The following FNIP2 variants were observed in gnomAD, a reference collection of about 807,000 sequenced individuals.
FNIP2 encodes folliculin interacting protein 2.
A neutral mutation model predicts 108.7 loss-of-function variants in FNIP2; 32 were observed. That is an observed-to-expected ratio of 0.29 (90% CI 0.22 to 0.40). FNIP2 has a LOEUF of 0.40. Among genes scored for constraint, FNIP2 ranks in the 10% least tolerant of loss-of-function variants. The pLI is 1.00. For missense variants in FNIP2, 1,202 were observed against 1,381.6 expected (o/e 0.87, Z 2.06); for synonymous variants, 480 against 496.7 (o/e 0.97, Z 0.45).
chr4:158,863,525 C>T (rs201132165), intron 12 of FNIP2, among the ~76,000 whole-genome samples: 1 of 152,170 alleles, frequency 6.6e-6, no homozygotes, highest in East Asian at 1.9e-4. Context: ...GCCACTTTCA[C>T]GGGTTTGCTG....
At chr4:158,903,115 G>A (rs1271697018) in intron 16 of FNIP2, among the ~76,000 whole-genome samples, 1 of 152,186 alleles carries the variant, frequency 6.6e-6, no homozygotes, top group South Asian at 2.1e-4. Flanking sequence ...CCCTGATTGT[G>A]TACACACCAA....
At chr4:158,877,915 G>A (rs1173691916) in intron 14 of FNIP2, among the ~76,000 whole-genome samples, 1 of 152,050 alleles carries the variant, frequency 6.6e-6, no homozygotes, top group Non-Finnish European at 1.5e-5. Flanking sequence ...ACTCCAGCCT[G>A]GGTGAAAGAG....
intron 1 of FNIP2, among the ~76,000 whole-genome samples, chr4:158,774,851 T>G (rs1775809215): frequency 6.6e-6 from 1 of 152,224 alleles, no homozygotes. Context: ...GATTAGATGT[T>G]TTAAAAGCTA....
intron 7 of FNIP2, among the ~76,000 whole-genome samples, chr4:158,847,468 GACA>G (rs543399720): frequency 2.2e-4 from 34 of 152,152 alleles, no homozygotes; most frequent in Non-Finnish European, 4.1e-4. Context: ...CTAGCTCCCA[GACA>G]ACATTTTCAG....
intron 14 of FNIP2, among the ~76,000 whole-genome samples, chr4:158,883,522 T>C (rs750583620): frequency 6.6e-6 from 1 of 152,214 alleles, no homozygotes; most frequent in Non-Finnish European, 1.5e-5. Context: ...ATTACAGGCG[T>C]GAGCCATCGC....
Position 158,886,310 on chromosome 4 carries a change from T to C in FNIP2, c.2950-5136T>C, listed in dbSNP as rs1008123072. Among the ~76,000 whole-genome samples, 4 of 152,226 alleles carry C rather than the reference T, an allele frequency of 2.6e-5. 1 individual carries two copies. Among genetic ancestry groups the C allele is most frequent in the Admixed American group, 2.6e-4 (4 of 15,288 alleles). On this transcript the variant is annotated intron_variant, in intron 14 of 16. Transcript: ENST00000264433. ...AATGGCATATGGCCTCTACCTCCTT[T>C]CTTTCTGGAGACTGGCTGTCCACCT...
intron 1 of FNIP2, among the ~76,000 whole-genome samples, chr4:158,798,968 A>C (rs1307461169): frequency 6.6e-6 from 1 of 152,240 alleles, no homozygotes; most frequent in East Asian, 1.9e-4. Flanking sequence ...AAATGTTGTA[A>C]ATGTAAGAGA....
At chr4:158,839,548 T>G (rs914318104) in intron 7 of FNIP2, among the ~76,000 whole-genome samples, 1 of 151,870 alleles carries the variant, frequency 6.6e-6, no homozygotes, top group African/African-American at 2.4e-5. Flanking sequence ...TTTTCTTTTA[T>G]GTAGAAACAA....
chr4:158,871,762 C>A, intron 14 of FNIP2: 2 of 984,176 alleles, frequency 2.0e-6, no homozygotes, highest in Non-Finnish European at 2.4e-6. Flanking sequence ...TATTTAATAT[C>A]ATAATTTCTC....
chr4:158,897,754 G>A (rs1782820400), intron 16 of FNIP2, among the ~76,000 whole-genome samples: 1 of 152,100 alleles, frequency 6.6e-6, no homozygotes, highest in Non-Finnish European at 1.5e-5. Context: ...TATCAGATGG[G>A]AAGATGGCAA....
At chr4:158,890,457 G>C in intron 14 of FNIP2, 1 of 657,682 alleles carries the variant, frequency 1.5e-6, no homozygotes, top group Non-Finnish European at 1.9e-6. Context: ...GCACAGGACA[G>C]AGTCCAAGAC....
chr4:158,773,367 G>A (rs1030328552), intron 1 of FNIP2, among the ~76,000 whole-genome samples: 16 of 152,088 alleles, frequency 1.1e-4, no homozygotes, highest in African/African-American at 3.9e-4. Flanking sequence ...GTTCTATTAA[G>A]AGCACTTGGA....
Position 158,860,909 on chromosome 4 carries a change from C to G in FNIP2, c.1149-433C>G, listed in dbSNP as rs1185202775. 3.3e-5 allele frequency among the ~76,000 whole-genome samples: 5 copies of G among 152,182 alleles called. No homozygotes were observed. In the East Asian group the frequency reaches 7.7e-4, roughly 24 times the overall value. On this transcript the variant is annotated intron_variant, in intron 10 of 16. Coordinates refer to ENST00000264433, the MANE Select transcript of FNIP2 (RefSeq NM_020840.3). ...TGACCTTGTAATCCACCACCTTGGC[C>G]TCCCAAAGTGCTGGGATTACAGGTA...
Position 158,769,823 on chromosome 4 carries a change from A to T in FNIP2, c.107+504A>T, listed in dbSNP as rs536901603. 3.0e-3 allele frequency among the ~76,000 whole-genome samples: 459 copies of T among 152,336 alleles called. 2 individuals carry two copies. The highest frequency in any genetic ancestry group is 0.01 in the African/African-American group (425 of 41,566). On this transcript the variant is annotated intron_variant, in intron 1 of 16. Coordinates refer to ENST00000264433, the MANE Select transcript of FNIP2 (RefSeq NM_020840.3). The stretch of plus-strand genomic sequence containing the variant: ...TGACAAGCTCTCAAACGGATGAATG[A>T]AAGTATGTAATTTCCACATCATGTG...
chr4:158,904,020 T>A (rs1376143571), intron 16 of FNIP2, among the ~76,000 whole-genome samples: 1 of 152,226 alleles, frequency 6.6e-6, no homozygotes, highest in East Asian at 1.9e-4. Context: ...CAATGTTTTT[T>A]AAGAAATTGC....
chr4:158,838,507 C>T (rs1454937006), intron 7 of FNIP2, among the ~76,000 whole-genome samples: 1 of 152,100 alleles, frequency 6.6e-6, no homozygotes, highest in African/African-American at 2.4e-5. Flanking sequence ...AGGTGTGAGC[C>T]ACCACGCCTA....
intron 1 of FNIP2, among the ~76,000 whole-genome samples, chr4:158,769,699 T>C (rs1321266311): frequency 6.6e-6 from 1 of 152,226 alleles, no homozygotes; most frequent in Non-Finnish European, 1.5e-5. Flanking sequence ...AGCTGTCATT[T>C]TGAGGGCAGC....
At chr4:158,811,667 C>CAG (rs1195479550) in intron 1 of FNIP2, among the ~76,000 whole-genome samples, 3 of 152,088 alleles carry the variant, frequency 2.0e-5, no homozygotes, top group Non-Finnish European at 4.4e-5. Context: ...ATTACACACA[C>CAG]ACACACAAAC....
At chr4:158,881,430 ACGGTCTCCCTCTCC>A (rs1781614101) in intron 14 of FNIP2, among the ~76,000 whole-genome samples, 3 of 110,736 alleles carry the variant, frequency 2.7e-5, no homozygotes, top group Non-Finnish European at 5.6e-5. Flanking sequence ...CTCTCTTTCC[ACGGTCTCCCTCTCC>A]CTCTCTTTCC....
Sources: gnomAD v4.1 joint callset for allele counts (sites outside exome capture counted in the v4.1 genomes callset) on GRCh38, gnomAD v4.1.1 for gene constraint, MANE v1.5 for transcripts, NCBI Gene and HGNC (gene_info 2026-07-23, HGNC 2026-07-21) for gene names.